The following CADPS variants were observed in gnomAD, a reference collection of about 807,000 sequenced individuals.
CADPS encodes the protein calcium dependent secretion activator.
A neutral mutation model predicts 167.3 loss-of-function variants in CADPS; 57 were observed. The ratio of observed to expected loss-of-function variants is 0.34; its 90% CI spans 0.28 to 0.42. The LOEUF is 0.42. Among genes scored for constraint, CADPS ranks in the 20% least tolerant of loss-of-function variants. The probability of loss-of-function intolerance (pLI) is 1.00; values close to 1 mark genes in which losing one functional copy is unlikely to be tolerated. For synonymous variants in CADPS, 676 were observed against 635.3 expected (o/e 1.06, Z -0.96); for missense variants, 1,414 against 1,738.1 (o/e 0.81, Z 3.32).
intron 26 of CADPS, among the ~76,000 whole-genome samples, chr3:62,460,594 G>C (rs552411023): frequency 9.8e-5 from 15 of 152,312 alleles, no homozygotes; most frequent in Non-Finnish European, 2.9e-5. Flanking sequence ...GAACAGAAGT[G>C]AATGTCATTG....
chr3:62,657,481 C>T (rs2071949449), intron 4 of CADPS, among the ~76,000 whole-genome samples: 1 of 152,148 alleles, frequency 6.6e-6, no homozygotes, highest in South Asian at 2.1e-4. Flanking sequence ...GCTCAAATGT[C>T]AACTTTTGAT....
intron 8 of CADPS, among the ~76,000 whole-genome samples, chr3:62,579,713 G>A (rs2083011242): frequency 6.6e-6 from 1 of 152,172 alleles, no homozygotes; most frequent in Non-Finnish European, 1.5e-5. Context: ...GGTACGTAGG[G>A]TCTTGTAGTC....
intron 13 of CADPS, chr3:62,530,797 C>A: frequency 7.8e-7 from 1 of 1,276,940 alleles, no homozygotes; most frequent in South Asian, 1.3e-5. Flanking sequence ...CACTAAGGTA[C>A]ACATGCATTT....
At chr3:62,560,443 C>G (rs191613768) in intron 9 of CADPS, among the ~76,000 whole-genome samples, 1 of 152,152 alleles carries the variant, frequency 6.6e-6, no homozygotes, top group Admixed American at 6.5e-5. Flanking sequence ...CATGGCAGAG[C>G]CTGGAATGCA....
At chr3:62,501,669 A>C (rs1240489887) in intron 17 of CADPS, among the ~76,000 whole-genome samples, 1 of 152,212 alleles carries the variant, frequency 6.6e-6, no homozygotes, top group East Asian at 1.9e-4. Context: ...ACACTCCCCA[A>C]ATCTAGGGGA....
At chr3:62,663,857 T>A (rs1252884167) in intron 3 of CADPS, among the ~76,000 whole-genome samples, 1 of 152,156 alleles carries the variant, frequency 6.6e-6, no homozygotes, top group African/African-American at 2.4e-5. Flanking sequence ...TTTCCACAGT[T>A]TGGGAGAAGG....
At chr3:62,570,174 T>C (rs1215516934) in intron 9 of CADPS, among the ~76,000 whole-genome samples, 2 of 151,366 alleles carry the variant, frequency 1.3e-5, no homozygotes, top group African/African-American at 2.4e-5. Context: ...TTGAAAGGTA[T>C]CTAAATAACT....
At chr3:62,499,300 C>T (rs377754578) in intron 17 of CADPS, 32 bp from the exon 18 acceptor site, 27 of 1,427,934 alleles carry the variant, frequency 1.9e-5, no homozygotes, top group South Asian at 6.9e-5. Flanking sequence ...TAAAATTCAG[C>T]GAAAGTGGCA....
At chr3:62,859,551 A>T (rs968475057) in intron 1 of CADPS, among the ~76,000 whole-genome samples, 4 of 152,186 alleles carry the variant, frequency 2.6e-5, no homozygotes, top group African/African-American at 9.7e-5. Context: ...TAATTGAAAC[A>T]AGTGCACATC....
At chr3:62,427,680 A>G (rs2053040015) in intron 28 of CADPS, among the ~76,000 whole-genome samples, 1 of 152,102 alleles carries the variant, frequency 6.6e-6, no homozygotes, top group South Asian at 2.1e-4. Flanking sequence ...GAGTTCCCCA[A>G]ACTAATGAAG....
intron 6 of CADPS, among the ~76,000 whole-genome samples, chr3:62,611,135 C>T (rs1339213234): frequency 6.6e-6 from 1 of 152,120 alleles, no homozygotes. Context: ...CTCATAGGCA[C>T]CCCACATAAC....
At position 62,844,715 on chromosome 3, in the gene CADPS, G is replaced by A. The variant is rs117393058; in HGVS notation, c.441+29874C>T. Among the ~76,000 whole-genome samples, 90 of 152,294 alleles carry A rather than the reference G, an allele frequency of 5.9e-4. 2 individuals carry two copies. The East Asian group carries it at 0.014, about 24-fold the overall frequency. On this transcript the variant is annotated intron_variant, in intron 1 of 29. Transcript: ENST00000383710. ...AGTAGGTTATTCAACACACTAATGC[G>A]ATTGGGAAAATCGATTCTTAGTATA...
intron 20 of CADPS, among the ~76,000 whole-genome samples, chr3:62,491,876 G>A (rs551515354): frequency 2.6e-5 from 4 of 152,220 alleles, no homozygotes; most frequent in African/African-American, 9.6e-5. Flanking sequence ...CCTCCCTGGG[G>A]AGGAAGGTCT....
chr3:62,501,408 A>G (rs901145102), intron 17 of CADPS, among the ~76,000 whole-genome samples: 3 of 152,196 alleles, frequency 2.0e-5, no homozygotes, highest in South Asian at 2.1e-4. Flanking sequence ...TTGCATTTTG[A>G]TAGTAAATAT....
At chr3:62,869,988 A>G (rs1291875486) in intron 1 of CADPS, among the ~76,000 whole-genome samples, 4 of 152,082 alleles carry the variant, frequency 2.6e-5, no homozygotes, top group Admixed American at 6.6e-5. Context: ...GAAACATTTA[A>G]TTTCCTTTGT....
At position 62,435,710 on chromosome 3, in the gene CADPS, A is replaced by G. The variant is rs116169867; in HGVS notation, c.3777+2394T>C. Among the ~76,000 whole-genome samples the G allele has an allele frequency of 4.2e-3, 644 of 152,020 alleles. 7 individuals are homozygous for G. The highest frequency in any genetic ancestry group is 0.014 in the African/African-American group (587 of 41,472). On this transcript the variant is annotated intron_variant, in intron 28 of 29. Transcript: ENST00000383710. ...GGCCGGGAGTGATGTGCAGTGAGTG[A>G]TTGTAATAGTTAAGCCTTTACCATC...
chr3:62,790,141 T>C (rs557224085), intron 1 of CADPS, among the ~76,000 whole-genome samples: 87 of 152,298 alleles, frequency 5.7e-4, no homozygotes, highest in African/African-American at 2.0e-3. Flanking sequence ...TAGAAATGAT[T>C]TAGAATTTTA....
intron 6 of CADPS, among the ~76,000 whole-genome samples, chr3:62,615,167 A>C (rs2062064318): frequency 6.6e-6 from 1 of 152,156 alleles, no homozygotes; most frequent in African/African-American, 2.4e-5. Context: ...TTCAGGCTCC[A>C]TTCCATAAAT....
intron 16 of CADPS, among the ~76,000 whole-genome samples, chr3:62,513,199 A>G (rs946062540): frequency 1.3e-5 from 2 of 152,110 alleles, no homozygotes; most frequent in Non-Finnish European, 2.9e-5. Flanking sequence ...GTGTGGTCTC[A>G]TACCCATAAT....
Sources: allele counts gnomAD v4.1 joint callset (sites outside exome capture counted in the v4.1 genomes callset), GRCh38; gene constraint gnomAD v4.1.1; transcripts MANE v1.5; gene names NCBI Gene and HGNC (gene_info 2026-07-23, HGNC 2026-07-21).